Variants in NFIB observed in about 807,000 individuals in gnomAD.
NFIB encodes the protein nuclear factor 1 B-type.
A neutral mutation model predicts 61.5 loss-of-function variants in NFIB; 11 were observed. That is an observed-to-expected ratio of 0.18 (90% CI 0.11 to 0.30). The LOEUF (loss-of-function observed/expected upper bound fraction) is 0.30. Among genes scored for constraint, NFIB ranks in the 10% least tolerant of loss-of-function variants. The pLI, the probability that NFIB is intolerant of heterozygous loss-of-function variation, is 1.00. For missense variants in NFIB, 471 were observed against 608.9 expected (o/e 0.77, Z 2.38); for synonymous variants, 260 against 216.5 (o/e 1.20, Z -1.76).
the NFIB span, among the ~76,000 whole-genome samples, chr9:14,442,504 G>A: frequency 6.6e-6 from 1 of 152,106 alleles, no homozygotes; most frequent in Non-Finnish European, 1.5e-5. Flanking sequence ...GAGACCGATC[G>A]CCTCACAGTT....
At chr9:14,232,579 G>T (rs2053316392) in intron 2 of NFIB, among the ~76,000 whole-genome samples, 1 of 152,176 alleles carries the variant, frequency 6.6e-6, no homozygotes, top group Non-Finnish European at 1.5e-5. Flanking sequence ...AAGACTAAAG[G>T]TTGCCAGGTG....
At chr9:14,257,684 G>T (rs895253093) in intron 2 of NFIB, among the ~76,000 whole-genome samples, 5 of 152,018 alleles carry the variant, frequency 3.3e-5, no homozygotes, top group Non-Finnish European at 7.4e-5. Context: ...TGAACCCGGG[G>T]GACAGAGGTT....
chr9:14,505,729 G>T, the NFIB span, among the ~76,000 whole-genome samples: 1 of 152,162 alleles, frequency 6.6e-6, no homozygotes, highest in Non-Finnish European at 1.5e-5. Context: ...CAGCAGGAAT[G>T]CCATGGAGCT....
At chr9:14,499,600 A>G in the NFIB span, among the ~76,000 whole-genome samples, 1 of 152,204 alleles carries the variant, frequency 6.6e-6, no homozygotes, top group African/African-American at 2.4e-5. Context: ...GCAACTTGAA[A>G]AGGCAGCTGA....
At chr9:14,430,913 G>A in the NFIB span, among the ~76,000 whole-genome samples, 2 of 152,082 alleles carry the variant, frequency 1.3e-5, no homozygotes, top group African/African-American at 4.8e-5. Flanking sequence ...ATTTTGGAGA[G>A]ACAGTTTTTG....
chr9:14,098,094 A>C (rs2035158004), intron 10 of NFIB, among the ~76,000 whole-genome samples: 1 of 152,162 alleles, frequency 6.6e-6, no homozygotes, highest in Non-Finnish European at 1.5e-5. Flanking sequence ...AGCTGATAAA[A>C]GTCTCTTTGG....
intron 1 of NFIB, among the ~76,000 whole-genome samples, chr9:14,308,249 G>A (rs1034504089): frequency 2.0e-5 from 3 of 152,040 alleles, no homozygotes; most frequent in East Asian, 3.9e-4. Context: ...ACAGCTCGTC[G>A]TATCAGTGTC....
chr9:14,292,488 T>TA (rs1290424220), intron 2 of NFIB, among the ~76,000 whole-genome samples: 1 of 152,220 alleles, frequency 6.6e-6, no homozygotes, highest in Admixed American at 6.5e-5. Context: ...TAAACTTTAT[T>TA]AAGTATTGCT....
the NFIB span, among the ~76,000 whole-genome samples, chr9:14,471,735 C>T: frequency 6.6e-6 from 1 of 152,184 alleles, no homozygotes; most frequent in South Asian, 2.1e-4. Context: ...TGGAACTCAT[C>T]CGGGAAGTTT....
At chr9:14,277,809 C>T (rs1381866973) in intron 2 of NFIB, among the ~76,000 whole-genome samples, 2 of 152,192 alleles carry the variant, frequency 1.3e-5, no homozygotes, top group African/African-American at 4.8e-5. Flanking sequence ...CCCCATTGTA[C>T]TTGAACATCC....
At chr9:14,427,934 G>GTTTTTTTTTTTTTTTTTT in the NFIB span, among the ~76,000 whole-genome samples, 64 of 25,932 alleles carry the variant, frequency 2.5e-3, 1 homozygote, top group Non-Finnish European at 4.0e-3. Context: ...CTTTAATTCA[G>GTTTTTTTTTTTTTTTTTT]TTGTTTTTTT....
At chr9:14,218,383 A>G (rs2051204097) in intron 2 of NFIB, among the ~76,000 whole-genome samples, 1 of 152,168 alleles carries the variant, frequency 6.6e-6, no homozygotes, top group Non-Finnish European at 1.5e-5. Flanking sequence ...TCCCTCAAGT[A>G]GCACCAATAA....
chr9:14,245,506 G>T (rs1430533668), intron 2 of NFIB, among the ~76,000 whole-genome samples: 1 of 151,938 alleles, frequency 6.6e-6, no homozygotes, highest in Non-Finnish European at 1.5e-5. Context: ...CAACCCTTTT[G>T]CTCTCAAGGT....
chr9:14,427,672 G>A, the NFIB span, among the ~76,000 whole-genome samples: 2 of 152,142 alleles, frequency 1.3e-5, no homozygotes, highest in Non-Finnish European at 2.9e-5. Context: ...CTAGCACAAG[G>A]AATAGAGAGC....
At chr9:14,343,104 C>T (rs2060972291) in intron 1 of NFIB, among the ~76,000 whole-genome samples, 1 of 152,106 alleles carries the variant, frequency 6.6e-6, no homozygotes, top group South Asian at 2.1e-4. Flanking sequence ...CAACCCTGTA[C>T]CACCTGACTG....
rs140225205 is a variant in NFIB, at chr9:14,397,372, T to C, written c.108+1152A>G. 3.5e-3 allele frequency among the ~76,000 whole-genome samples: 533 copies of C among 152,358 alleles called. 13 individuals carry two copies. The highest frequency in any genetic ancestry group is 0.031 in the Admixed American group (481 of 15,302). ...GACAAATTCTTCTTGAACAGCTTTA[T>C]GCAGTTAACAGTTCAGTGATGACAA... On this transcript the variant is annotated intron_variant, in intron 1 of 8. Transcript: ENST00000380934.
At chr9:14,247,301 T>G (rs778246085) in intron 2 of NFIB, among the ~76,000 whole-genome samples, 2 of 152,196 alleles carry the variant, frequency 1.3e-5, no homozygotes, top group Non-Finnish European at 1.5e-5. Flanking sequence ...GACTCATTAA[T>G]CTCTCAAAAG....
chr9:14,420,469 A>AAG, the NFIB span, among the ~76,000 whole-genome samples: 1 of 149,416 alleles, frequency 6.7e-6, no homozygotes, highest in African/African-American at 2.5e-5. Flanking sequence ...AAAAAAAAAA[A>AAG]AGATGCTATC....
At chr9:14,401,933 C>A (rs1323349), upstream of NFIB, among the ~76,000 whole-genome samples, 51,421 of 152,080 alleles carry the variant, frequency 0.34, 11,057 homozygotes, top group African/African-American at 0.62. Context: ...AGTACTGTCA[C>A]AAGTATATAT....
Sources: gnomAD v4.1 joint callset for allele counts (sites outside exome capture counted in the v4.1 genomes callset) on GRCh38, gnomAD v4.1.1 for gene constraint, MANE v1.5 for transcripts, NCBI Gene and HGNC (gene_info 2026-07-23, HGNC 2026-07-21) for gene names.